Variants in ANO9 observed in about 807,000 individuals in gnomAD.
The protein encoded by ANO9 is anoctamin 9.
A neutral mutation model predicts 100.5 loss-of-function variants in ANO9; 80 were observed. The observed-to-expected ratio is 0.80, with a 90% CI of 0.66 to 0.96. ANO9 has a LOEUF of 0.96. Ranked by LOEUF, ANO9 falls within the 40% of genes least tolerant of loss-of-function variation. The pLI is 0.00. For missense variants in ANO9, 1,064 were observed against 1,072.7 expected (o/e 0.99, Z 0.11); for synonymous variants, 473 against 435.6 (o/e 1.09, Z -1.07).
intron 1 of ANO9, among the ~76,000 whole-genome samples, chr11:437,430 A>G (rs1325752587): frequency 6.7e-6 from 1 of 149,304 alleles, no homozygotes; most frequent in Non-Finnish European, 1.5e-5. Flanking sequence ...TAGTTGGCCC[A>G]CGGGGCTCAC....
chr11:432,319 TC>T lies in ANO9; in HGVS notation c.351-266del. The T allele has an allele frequency of 1.9e-6, 1 of 527,884 alleles. No homozygotes were observed. Among genetic ancestry groups the T allele is most frequent in the Non-Finnish European group, 3.4e-6 (1 of 291,696 alleles). The allele number at this position is 527,884 out of a possible 1,614,324, so 32.7% of individuals were successfully genotyped here. A position where few individuals can be genotyped will look rare whatever the true frequency, so the allele number is the denominator to read the frequency against. On this transcript the variant is annotated intron_variant, in intron 4 of 22. Transcript: ENST00000332826. This position sits in a 1 kb window ranked among gnomAD's most constrained non-coding sequence, Gnocchi z 4.8. ...GCTCCTTCTCCTCCCAGCCCGTCCC[TC>T]CCAGAAGCCCAGACCACAGCCCGCA...
chr11:434,217 A>G, intron 1 of ANO9, 119 bp from the exon 2 acceptor site: 2 of 1,209,280 alleles, frequency 1.7e-6, no homozygotes, highest in Non-Finnish European at 2.3e-6. Flanking sequence ...CACAAGGAGA[A>G]CAGCAAAGAG....
Position 420,451 on chromosome 11 carries a change from G to T in ANO9, c.1786+12C>A, listed in dbSNP as rs531640884. Reference sequence around the variant, plus strand: ...CCCAGTTCCCGCCCATCCTGCGCCCGCCCGGTCTGACCGATGTCCTTGGCC... The same window carrying T: ...CCCAGTTCCCGCCCATCCTGCGCCCTCCCGGTCTGACCGATGTCCTTGGCC... On this transcript the variant is annotated intron_variant, in intron 19 of 22. Transcript: ENST00000332826. The T allele has an allele frequency of 1.0e-4, 161 of 1,599,624 alleles. No individual in the cohort carries two copies. The highest frequency in any genetic ancestry group is 1.7e-4 in the Middle Eastern group (1 of 6,032).
Position 418,522 on chromosome 11 carries a change from T to A in ANO9, c.2198A>T (p.Asn733Ile). 2 of 1,613,176 alleles carry A rather than the reference T, an allele frequency of 1.2e-6. No homozygotes were observed. Among genetic ancestry groups the A allele is most frequent in the Non-Finnish European group, 1.7e-6 (2 of 1,179,994 alleles). ...CTGGTACTTCACCTCCAGAACCTTG[T>A]TCTTCACCGACTGAGGGATGTCGGG... ...FVPDIPQSVKNKVLEVKYQRL... is the reference protein window; with the variant it reads ...FVPDIPQSVKIKVLEVKYQRL... The change falls in exon 23 of 23, where the codon AAC (asparagine) becomes ATC (isoleucine). Residue 733 changes from asparagine to isoleucine, a missense_variant. By Grantham distance (149) the Asn-to-Ile change is moderately radical. Transcript: ENST00000332826.
At chr11:429,727 G>C in intron 10 of ANO9, 31 bp downstream of exon 10, 2 of 1,611,970 alleles carry the variant, frequency 1.2e-6, no homozygotes, top group Non-Finnish European at 8.5e-7. Context: ...CACTTCCCCT[G>C]GCCCCGCAGA....
intron 10 of ANO9, 53 bp from the exon 11 acceptor site, chr11:429,705 A>G: frequency 8.7e-6 from 14 of 1,612,132 alleles, no homozygotes; most frequent in Non-Finnish European, 1.2e-5. Context: ...TGGACCTCGG[A>G]GCTTGGGCTG....
rs777314922 is a variant in ANO9, at chr11:421,049, G to A, written c.1393-7C>T. 6.9e-6 allele frequency: 11 copies of A among 1,599,936 alleles called. No homozygotes were observed. The highest frequency in any genetic ancestry group is 1.7e-4 in the Middle Eastern group (1 of 5,982). Reference sequence around the variant, plus strand: ...TGCAGCCGCTGGCGTGGCACTGCGGGGCCAGACAGGAGGAGATCAGGGAGG... The same window carrying A: ...TGCAGCCGCTGGCGTGGCACTGCGGAGCCAGACAGGAGGAGATCAGGGAGG... On this transcript the variant is annotated splice_region_variant and splice_polypyrimidine_tract_variant and intron_variant, in intron 16 of 22. Coordinates refer to ENST00000332826, the MANE Select transcript of ANO9 (RefSeq NM_001012302.3). The surrounding 1 kb of genome is among the most constrained non-coding windows in gnomAD (Gnocchi z 6.8).
At chr11:429,482 C>A in intron 11 of ANO9, 88 bp downstream of exon 11, 1 of 1,554,204 alleles carries the variant, frequency 6.4e-7, no homozygotes, top group Non-Finnish European at 8.7e-7. Flanking sequence ...ACCTCAGACA[C>A]GGCAGGCATA....
In ANO9 at chr11:435,962, A is replaced by C. The variant is rs950568008; in HGVS notation, c.7-1864T>G. On this transcript the variant is annotated intron_variant, in intron 1 of 22. Coordinates refer to ENST00000332826, the MANE Select transcript of ANO9 (RefSeq NM_001012302.3). ...TAGCATAGTATAGCATAGATGCCCC[A>C]GTGATTGCATGGGACACGCCTACAC... Among the ~76,000 whole-genome samples the C allele has an allele frequency of 2.7e-5, 4 of 150,344 alleles. No individual in the cohort carries two copies. The South Asian group carries it at 6.3e-4, about 24-fold the overall frequency.
intron 1 of ANO9, among the ~76,000 whole-genome samples, chr11:439,766 C>T (rs1050255842): frequency 2.0e-5 from 3 of 152,172 alleles, no homozygotes; most frequent in African/African-American, 7.2e-5. Context: ...GCCCAGCCCA[C>T]GCATCCTCTG....
Position 431,757 on chromosome 11 carries a change from C to G in ANO9, c.476G>C (p.Arg159Pro), listed in dbSNP as rs78972632. 1 of 1,612,608 alleles carries G rather than the reference C, an allele frequency of 6.2e-7. No individual in the cohort carries two copies. The highest frequency in any genetic ancestry group is 8.5e-7 in the Non-Finnish European group (1 of 1,179,562). Residue 159 changes from arginine to proline, a missense_variant, in exon 7 of 23, where the codon CGC (arginine) becomes CCC (proline). Physicochemically the swap from Arg to Pro is moderately radical, Grantham distance 103 (BLOSUM62 -2). Coordinates refer to ENST00000332826, the MANE Select transcript of ANO9 (RefSeq NM_001012302.3). The stretch of plus-strand genomic sequence containing the variant: ...CCACCGCGCCCACGTCTTCTTCAGG[C>G]GTCCCTCCCCCTGGCTCGGGTGACA... ...ARFPLHKGEGRLKKTWARWRH... is the reference protein window; with the variant it reads ...ARFPLHKGEGPLKKTWARWRH...
At position 421,934 on chromosome 11, in the gene ANO9, A is replaced by G. The variant is rs886881243; in HGVS notation, c.1335-736T>C. On this transcript the variant is annotated intron_variant, in intron 15 of 22. Coordinates refer to ENST00000332826, the MANE Select transcript of ANO9 (RefSeq NM_001012302.3). This position sits in a 1 kb window ranked among gnomAD's most constrained non-coding sequence, Gnocchi z 6.8. ...CAAATAAGCAAGAGAAATATGAAGTATAAATAGTATACATTTGCAAAGAAA... is the reference window on the plus strand; with the variant it reads ...CAAATAAGCAAGAGAAATATGAAGTGTAAATAGTATACATTTGCAAAGAAA... Among the ~76,000 whole-genome samples, 8 of 152,244 alleles carry G rather than the reference A, an allele frequency of 5.3e-5. No homozygotes were observed. Among genetic ancestry groups the G allele is most frequent in the Admixed American group, 5.2e-4 (8 of 15,282 alleles).
Position 421,104 on chromosome 11 carries a change from G to A in ANO9, c.1392+37C>T, listed in dbSNP as rs370875168. On this transcript the variant is annotated intron_variant, in intron 16 of 22. Transcript: ENST00000332826. The surrounding 1 kb of genome is among the most constrained non-coding windows in gnomAD (Gnocchi z 6.8). The stretch of plus-strand genomic sequence containing the variant: ...CTGGGGGACGGTCAGGGGAGCAGTG[G>A]CTCAGGGACAGGGCATGAAGCCTGG... 3 of 1,578,406 alleles carry A rather than the reference G, an allele frequency of 1.9e-6. No individual in the cohort carries two copies. The highest frequency in any genetic ancestry group is 2.3e-5 in the East Asian group (1 of 44,130).
At chr11:436,011 T>G (rs1341502105) in intron 1 of ANO9, among the ~76,000 whole-genome samples, 3 of 151,044 alleles carry the variant, frequency 2.0e-5, no homozygotes, top group Non-Finnish European at 4.4e-5. Flanking sequence ...TATGTGACAT[T>G]GTGACATTCA....
intron 20 of ANO9, chr11:419,361 C>A: frequency 4.2e-6 from 6 of 1,414,792 alleles, no homozygotes; most frequent in Middle Eastern, 2.6e-4. Flanking sequence ...CTGGGAACTT[C>A]ACCCCCAACT....
At chr11:433,733 C>G (rs969993060) in intron 3 of ANO9, 82 bp downstream of exon 3, 1 of 1,487,136 alleles carries the variant, frequency 6.7e-7, no homozygotes, top group Non-Finnish European at 9.0e-7. Context: ...CGCTGGGCAC[C>G]CGCCCCAGCC....
At chr11:441,453 C>T (rs552731340) in intron 1 of ANO9, among the ~76,000 whole-genome samples, 6 of 152,298 alleles carry the variant, frequency 3.9e-5, no homozygotes, top group African/African-American at 1.2e-4. Context: ...GCCCACAGCC[C>T]GCCGGCCACT....
chr11:439,410 G>C (rs1170207930), intron 1 of ANO9, among the ~76,000 whole-genome samples: 1 of 117,260 alleles, frequency 8.5e-6, no homozygotes, highest in African/African-American at 3.6e-5. Context: ...CCAGCCTCCA[G>C]GTTGGGGGCA....
At position 430,071 on chromosome 11, in the gene ANO9, G is replaced by C; in HGVS notation, c.771+12C>G. 1.3e-6 allele frequency: 2 copies of C among 1,549,234 alleles called. No individual in the cohort carries two copies. Among genetic ancestry groups the C allele is most frequent in the Non-Finnish European group, 1.7e-6 (2 of 1,146,834 alleles). On this transcript the variant is annotated intron_variant, in intron 9 of 22. Transcript: ENST00000332826. ...TTCCGCAGGCCCTGGGGTGGACCCG[G>C]AGGCGACAAACCTTGGCAAAAGTGC...
Sources: allele counts gnomAD v4.1 joint callset (sites outside exome capture counted in the v4.1 genomes callset), GRCh38; gene constraint gnomAD v4.1.1; non-coding constraint Gnocchi (gnomAD v3.1); transcripts MANE v1.5; gene names NCBI Gene and HGNC (gene_info 2026-07-23, HGNC 2026-07-21).